HELLS: variants seen among roughly 807,000 people sequenced by gnomAD.
The protein encoded by HELLS is lymphoid-specific helicase.
A neutral mutation model predicts 120.0 loss-of-function variants in HELLS; 32 were observed. That is an observed-to-expected ratio of 0.27 (90% CI 0.20 to 0.36). The LOEUF is 0.36. HELLS is among the 10% of genes least tolerant of loss of function. The probability of loss-of-function intolerance (pLI) is 1.00; values close to 1 mark genes in which losing one functional copy is unlikely to be tolerated. For synonymous variants in HELLS, 341 were observed against 323.4 expected (o/e 1.05, Z -0.58); for missense variants, 650 against 993.4 (o/e 0.65, Z 4.65).
chr10:94,550,848 C>T (rs1316779152), intron 2 of HELLS: 1 of 151,820 alleles, frequency 6.6e-6, no homozygotes, highest in Non-Finnish European at 1.5e-5. Context: ...GCCGAGATCT[C>T]ACCACTGCAC....
chr10:94,594,572 T>TGG (rs1845653183), intron 18 of HELLS, 123 bp from the exon 19 acceptor site: 4 of 621,428 alleles, frequency 6.4e-6, no homozygotes, highest in Non-Finnish European at 1.0e-5. Flanking sequence ...CTCTGGAAGT[T>TGG]TAAATTAAGA....
downstream of HELLS, among the ~76,000 whole-genome samples, chr10:94,602,650 A>T (rs527806278): frequency 6.6e-6 from 1 of 152,172 alleles, no homozygotes; most frequent in South Asian, 2.1e-4. Flanking sequence ...CACTTAAGAA[A>T]AACTTAATTT....
downstream of HELLS, among the ~76,000 whole-genome samples, chr10:94,606,129 C>T (rs376717229): frequency 2.8e-5 from 4 of 141,206 alleles, no homozygotes; most frequent in East Asian, 4.2e-4. Flanking sequence ...CTTGTGAATT[C>T]CTGGTTTCAA....
rs201455336 is a variant in HELLS at position 94,558,141 on chromosome 10, A to G, written c.279A>G (p.Glu93=). The change falls in exon 4 of 22, where the codon GAA becomes GAG. Residue 93 remains glutamate (E), a splice_region_variant and synonymous_variant. Transcript: ENST00000348459. ...CATAAGAAAAAATTGTCTTACAGGA[A>G]CAGAAGAAGAAAGAAAAATTGGAGA... The part of the protein sequence containing the change: ...LTKMEQQQLE[E]QKKKEKLERK... The G allele has an allele frequency of 1.3e-5, 20 of 1,567,450 alleles. No individual in the cohort carries two copies. The highest frequency in any genetic ancestry group is 1.6e-5 in the Non-Finnish European group (19 of 1,165,054).
rs1221710816 is a variant in HELLS at position 94,574,534 on chromosome 10, GTATC to G, written c.706-16_706-13del. 1.1e-5 allele frequency: 18 copies of G among 1,566,744 alleles called. No individual in the cohort carries two copies. The highest frequency in any genetic ancestry group is 1.6e-5 in the Non-Finnish European group (18 of 1,138,454). ...TTGTTTATATCCAAGTTTAAATACA[GTATC>G]TATTATTTTGTCCAGATGCTTTGGG... On this transcript the variant is annotated splice_polypyrimidine_tract_variant and intron_variant, in intron 8 of 21. Transcript: ENST00000348459.
Position 94,588,261 on chromosome 10 carries a change from G to A in HELLS, c.1359G>A (p.Lys453=), listed in dbSNP as rs1251399007. The change falls in exon 13 of 22, where the codon AAG becomes AAA. Residue 453 remains lysine (K), a synonymous_variant. Coordinates refer to ENST00000348459, the MANE Select transcript of HELLS (RefSeq NM_018063.5). ...ILTPFLLRRL[K]SDVALEVPPK... ...CACCTTTCTTATTGAGAAGACTGAA[G>A]TCTGATGTTGCTCTTGAAGTTCCTC... 1.2e-6 allele frequency: 2 copies of A among 1,607,716 alleles called. No homozygotes were observed. Among genetic ancestry groups the A allele is most frequent in the Non-Finnish European group, 1.7e-6 (2 of 1,175,980 alleles).
rs1422932564 is a variant in HELLS, at chr10:94,546,425, C to A, written c.80C>A (p.Thr27Asn). 1.2e-6 allele frequency: 2 copies of A among 1,614,136 alleles called. No homozygotes were observed. Among genetic ancestry groups the A allele is most frequent in the Admixed American group, 3.3e-5 (2 of 60,026 alleles). Residue 27 changes from threonine (T) to asparagine (N), a missense_variant, in exon 2 of 22, where the codon ACC (threonine) becomes AAC (asparagine). Around this residue, in one of 9 missense-constraint regions of HELLS, gnomAD observed 90 missense variants for 93.6 expected, o/e 0.96. Transcript: ENST00000348459. The stretch of plus-strand genomic sequence containing the variant: ...GAACAACTGGACACTGCTGTGATTA[C>A]CCCGGCCATGCTAGAAGAGGAAGAA... The part of the protein sequence containing the change: ...MVEQLDTAVI[T>N]PAMLEEEEQL...
intron 10 of HELLS, among the ~76,000 whole-genome samples, chr10:94,580,185 A>ACACAC (rs1491523737): frequency 1.4e-5 from 1 of 69,378 alleles, no homozygotes; most frequent in African/African-American, 6.3e-5. Flanking sequence ...ACACACACAC[A>ACACAC]TTTTTTTTTT....
intron 10 of HELLS, among the ~76,000 whole-genome samples, chr10:94,577,866 C>T (rs950296768): frequency 6.6e-6 from 1 of 151,768 alleles, no homozygotes; most frequent in Non-Finnish European, 1.5e-5. Context: ...TCGAGACCAT[C>T]CTGGCTAACA....
At chr10:94,611,155 C>G (rs1164455010) in exon 10 of HELLS, 2 of 152,120 alleles carry the variant, frequency 1.3e-5, no homozygotes, top group African/African-American at 4.8e-5. Flanking sequence ...CGTTTTTGTA[C>G]TCTTAGTTTT....
At chr10:94,600,965 A>AT (rs1361533869) in intron 21 of HELLS, among the ~76,000 whole-genome samples, 1 of 152,198 alleles carries the variant, frequency 6.6e-6, no homozygotes, top group African/African-American at 2.4e-5. Context: ...AACGGATAAT[A>AT]TAAGAGCAGG....
At chr10:94,613,150 C>T (rs777622622) in exon 10 of HELLS, 28 of 152,178 alleles carry the variant, frequency 1.8e-4, no homozygotes, top group Non-Finnish European at 3.4e-4. Flanking sequence ...TACTTATGTA[C>T]TTTTCAGAAC....
rs1311651120 is a variant in HELLS, at chr10:94,590,771, T to G, written c.1762T>G (p.Phe588Val). The G allele has an allele frequency of 3.3e-6, 5 of 1,500,920 alleles. No homozygotes were observed. The highest frequency in any genetic ancestry group is 4.6e-6 in the Non-Finnish European group (5 of 1,096,022). 93.0% of individuals were successfully genotyped at this position (1,500,920 alleles called of 1,614,324 possible). A position where few individuals can be genotyped will look rare whatever the true frequency, so the allele number is the denominator to read the frequency against. ...TCCTATAGACCCTGTTACACAAGAATTTAAGGTGAATACTGTTTAATTCTA... is the reference window on the plus strand; with the variant it reads ...TCCTATAGACCCTGTTACACAAGAAGTTAAGGTGAATACTGTTTAATTCTA... ...EYPIDPVTQE[F>V]KIDEELVTNS... is the part of the protein sequence containing the mutation. The change falls in exon 15 of 22, where the codon TTT (phenylalanine) becomes GTT (valine). Residue 588 changes from phenylalanine to valine, a missense_variant. Transcript: ENST00000348459.
chr10:94,592,211 C>G lies in HELLS; in HGVS notation c.1768-18C>G. ...AACAGTTTTCTCTCTATTTTTTCTTCCTTTGCCCCTCCTTAAGATCGATGA... is the reference window on the plus strand; with the variant it reads ...AACAGTTTTCTCTCTATTTTTTCTTGCTTTGCCCCTCCTTAAGATCGATGA... On this transcript the variant is annotated intron_variant, in intron 15 of 21. Coordinates refer to ENST00000348459, the MANE Select transcript of HELLS (RefSeq NM_018063.5). 1 of 1,555,300 alleles carries G rather than the reference C, an allele frequency of 6.4e-7. No individual in the cohort carries two copies. The highest frequency in any genetic ancestry group is 1.4e-5 in the African/African-American group (1 of 72,492).
At chr10:94,595,153 G>A (rs1488072061) in intron 19 of HELLS, among the ~76,000 whole-genome samples, 4 of 151,966 alleles carry the variant, frequency 2.6e-5, no homozygotes, top group South Asian at 2.1e-4. Flanking sequence ...GCTTGAACCC[G>A]GGAGGAGGAG....
chr10:94,589,843 C>G (rs1027093186), intron 13 of HELLS, among the ~76,000 whole-genome samples: 2 of 151,808 alleles, frequency 1.3e-5, no homozygotes, highest in Non-Finnish European at 2.9e-5. Flanking sequence ...CCCGCCACCA[C>G]GCTTGGCTAA....
intron 21 of HELLS, 131 bp downstream of exon 21, chr10:94,597,242 A>G (rs1293682529): frequency 1.5e-5 from 8 of 548,648 alleles, no homozygotes; most frequent in Non-Finnish European, 2.5e-5. Context: ...TTCTTCTTAG[A>G]GTATTAAAAT....
intron 6 of HELLS, among the ~76,000 whole-genome samples, chr10:94,567,166 C>G (rs553523674): frequency 6.6e-6 from 1 of 152,114 alleles, no homozygotes; most frequent in East Asian, 1.9e-4. Context: ...TCCAAGTTAT[C>G]CCTTCTGTTT....
chr10:94,597,627 G>A (rs925859495), intron 21 of HELLS, among the ~76,000 whole-genome samples: 13 of 152,116 alleles, frequency 8.5e-5, no homozygotes, highest in Admixed American at 6.6e-5. Flanking sequence ...CAGCCTCCTG[G>A]GTTCAAGGGA....
Sources: gnomAD v4.1 joint callset for allele counts (sites outside exome capture counted in the v4.1 genomes callset) on GRCh38, gnomAD v4.1.1 for gene constraint, gnomAD v4.1.1 regional missense constraint, MANE v1.5 for transcripts, NCBI Gene and HGNC (gene_info 2026-07-23, HGNC 2026-07-21) for gene names.